Variants in RCVRN observed in about 807,000 individuals in gnomAD.
RCVRN encodes cancer associated retinopathy antigen.
RCVRN carries 23 observed loss-of-function variants against 20.4 expected under a neutral mutation model. The observed-to-expected ratio is 1.13, with a 90% confidence interval of 0.81 to 1.60. The LOEUF is 1.60. Among genes scored for constraint, RCVRN ranks in the 40% most tolerant of loss-of-function variants. The pLI, the probability that RCVRN is intolerant of heterozygous loss-of-function variation, is 0.00. For synonymous variants in RCVRN, 105 were observed against 105.9 expected, an observed-to-expected ratio of 0.99 and a Z score of 0.05; for missense variants, 254 against 254.2, an observed-to-expected ratio of 1.00 and a Z score of 0.00.
chr17:9,902,763 C>T (rs531551044), intron 1 of RCVRN, among the ~76,000 whole-genome samples: 77 of 152,144 alleles, frequency 5.1e-4, no homozygotes, highest in African/African-American at 1.8e-3. Flanking sequence ...TTTGGGAGGC[C>T]GAGGCGGGCA....
At chr17:9,902,796 G>A (rs1022632605) in intron 1 of RCVRN, among the ~76,000 whole-genome samples, 2 of 152,090 alleles carry the variant, frequency 1.3e-5, no homozygotes, top group East Asian at 3.9e-4. Context: ...TCAGGAGTTC[G>A]AGACCAGCCT....
chr17:9,904,661 C>T lies in RCVRN; in HGVS notation c.381+139G>A, dbSNP rs2067355283. The T allele has an allele frequency of 2.1e-6, 2 of 949,356 alleles. No homozygotes were observed. The highest frequency in any genetic ancestry group is 3.2e-6 in the Non-Finnish European group (2 of 631,794). 58.8% of individuals were successfully genotyped at this position (949,356 alleles called of 1,614,324 possible). A position where few individuals can be genotyped will look rare whatever the true frequency, so the allele number is the denominator to read the frequency against. On this transcript the variant is annotated intron_variant, in intron 1 of 2. Coordinates refer to ENST00000226193, the MANE Select transcript of RCVRN (RefSeq NM_002903.3). This position sits in a 1 kb window ranked among gnomAD's most constrained non-coding sequence, Gnocchi z 5.8. Reference sequence around the variant, plus strand: ...CTCTATCAATATCAGCATCTCGGAGCACCACGCTCTCAGAGCCAGTGGCCC... The same window carrying T: ...CTCTATCAATATCAGCATCTCGGAGTACCACGCTCTCAGAGCCAGTGGCCC...
Position 9,904,961 on chromosome 17 carries a change from C to T in RCVRN, c.220G>A (p.Asp74Asn). ...AYAQHVFRSF[D>N]SNLDGTLDFK... ...TCCAGGGTGCCGTCGAGGTTGGAATCGAAGCTGCGGAACACATGCTGGGCG... is the reference window on the plus strand; with the variant it reads ...TCCAGGGTGCCGTCGAGGTTGGAATTGAAGCTGCGGAACACATGCTGGGCG... The change falls in exon 1 of 3, where the codon GAT (aspartate) becomes AAT (asparagine). Residue 74 changes from aspartate (D) to asparagine (N), a missense_variant. Physicochemically the swap from Asp to Asn is conservative, Grantham distance 23. Coordinates refer to ENST00000226193, the MANE Select transcript of RCVRN (RefSeq NM_002903.3). This position sits in a 1 kb window ranked among gnomAD's most constrained non-coding sequence, Gnocchi z 5.8. 2.5e-6 allele frequency: 4 copies of T among 1,614,194 alleles called. No individual in the cohort carries two copies. Among genetic ancestry groups the T allele is most frequent in the Non-Finnish European group, 3.4e-6 (4 of 1,180,046 alleles).
Position 9,898,148 on chromosome 17 carries a change from G to A in RCVRN, c.550C>T (p.Arg184Ter), listed in dbSNP as rs1156642455. The change falls in exon 3 of 3, where the codon CGA (arginine) becomes TGA (stop). Residue 184 changes from arginine to a stop codon, truncating the protein, a stop_gained. Coordinates refer to ENST00000226193, the MANE Select transcript of RCVRN (RefSeq NM_002903.3). LOFTEE classifies it high-confidence loss of function. ...TTTTGAGGCTCAAACTGGATCAGTC[G>A]CAGAATTTCCTTATTGGCCAGTGTC... ...EGTLANKEIL[R>*]LIQFEPQKVK... The A allele has an allele frequency of 2.0e-5, 33 of 1,613,802 alleles. No individual in the cohort carries two copies. The highest frequency in any genetic ancestry group is 2.6e-5 in the Non-Finnish European group (31 of 1,179,856).
At position 9,899,744 on chromosome 17, in the gene RCVRN, A is replaced by G. The variant is rs62064490; in HGVS notation, c.493+1245T>C. ...GCTCACTTTCAGGTCCTGTGAGTGC[A>G]TTGTTGACCCCTGAGAACGAGCGCC... On this transcript the variant is annotated intron_variant, in intron 2 of 2. Transcript: ENST00000226193. This position sits in a 1 kb window ranked among gnomAD's most constrained non-coding sequence, Gnocchi z 4.6. Among the ~76,000 whole-genome samples the G allele has an allele frequency of 0.17, 25,881 of 152,126 alleles. 2,863 individuals are homozygous for G. Among genetic ancestry groups the G allele is most frequent in the Non-Finnish European group, 0.25 (17,121 of 67,960 alleles).
In RCVRN at chr17:9,898,844, C is replaced by A. The variant is rs985822190; in HGVS notation, c.494-640G>T. Among the ~76,000 whole-genome samples the A allele has an allele frequency of 2.6e-5, 4 of 152,200 alleles. No homozygotes were observed. In the East Asian group the frequency reaches 7.7e-4, roughly 29 times the overall value. ...CTTCCTATGCATCCATCCCTGCGTC[C>A]CCCAGTCTCATCTGCCTCCTTATTT... On this transcript the variant is annotated intron_variant, in intron 2 of 2. Transcript: ENST00000226193.
intron 2 of RCVRN, among the ~76,000 whole-genome samples, chr17:9,900,062 G>A (rs1464222066): frequency 6.6e-6 from 1 of 152,090 alleles, no homozygotes; most frequent in Non-Finnish European, 1.5e-5. Context: ...ATCAGATGAT[G>A]TCTCAACCAC....
At chr17:9,901,351 T>C (rs1369943529) in intron 1 of RCVRN, 2 of 385,166 alleles carry the variant, frequency 5.2e-6, no homozygotes, top group Admixed American at 4.3e-5. Context: ...ACAAGCAGGA[T>C]AGCATCACAC....
Position 9,904,690 on chromosome 17 carries a change from T to A in RCVRN, c.381+110A>T. Reference sequence around the variant, plus strand: ...ACGCTCTCAGAGCCAGTGGCCCGCATCCCCCGCTCCACCCACAGATCCACT... The same window carrying A: ...ACGCTCTCAGAGCCAGTGGCCCGCAACCCCCGCTCCACCCACAGATCCACT... On this transcript the variant is annotated intron_variant, in intron 1 of 2. Coordinates refer to ENST00000226193, the MANE Select transcript of RCVRN (RefSeq NM_002903.3). This position sits in a 1 kb window ranked among gnomAD's most constrained non-coding sequence, Gnocchi z 5.8. 1 of 1,276,176 alleles carries A rather than the reference T, an allele frequency of 7.8e-7. No homozygotes were observed. The highest frequency in any genetic ancestry group is 1.1e-6 in the Non-Finnish European group (1 of 912,148). 79.1% of individuals were successfully genotyped at this position (1,276,176 alleles called of 1,614,324 possible). A position where few individuals can be genotyped will look rare whatever the true frequency, so the allele number is the denominator to read the frequency against.
At chr17:9,902,911 C>T (rs953816818) in intron 1 of RCVRN, among the ~76,000 whole-genome samples, 4 of 152,136 alleles carry the variant, frequency 2.6e-5, no homozygotes, top group African/African-American at 7.2e-5. Context: ...ATTGCTCAAA[C>T]CCAGGAGGGG....
At position 9,897,567 on chromosome 17, in the gene RCVRN, C is replaced by T. The variant is rs2067322982; in HGVS notation, c.*528G>A. On this transcript the variant is annotated 3_prime_UTR_variant, in exon 3 of 3. Coordinates refer to ENST00000226193, the MANE Select transcript of RCVRN (RefSeq NM_002903.3). ...CATTGTCCCCTCTGGACCATGAGCTCCATGACAGCAGGACCGCATTAGACT... is the reference window on the plus strand; with the variant it reads ...CATTGTCCCCTCTGGACCATGAGCTTCATGACAGCAGGACCGCATTAGACT... The T allele has an allele frequency of 6.5e-6, 1 of 154,142 alleles. No homozygotes were observed. The highest frequency in any genetic ancestry group is 1.4e-5 in the Non-Finnish European group (1 of 69,376). 9.5% of individuals were successfully genotyped at this position (154,142 alleles called of 1,614,324 possible).
chr17:9,897,476 T>C lies in RCVRN; in HGVS notation c.*619A>G, dbSNP rs1411070191. 2 of 151,874 alleles carry C rather than the reference T, an allele frequency of 1.3e-5. No homozygotes were observed. Among genetic ancestry groups the C allele is most frequent in the African/African-American group, 4.8e-5 (2 of 41,376 alleles). The allele number at this position is 151,874 out of a possible 1,614,324, so 9.4% of individuals were successfully genotyped here. A position where few individuals can be genotyped will look rare whatever the true frequency, so the allele number is the denominator to read the frequency against. On this transcript the variant is annotated 3_prime_UTR_variant, in exon 3 of 3. Transcript: ENST00000226193. ...TGACAAGTCAGCCCCTTCCACTGTGTCCTCCCCTGGTGCTCTGCACGTTTC... is the reference window on the plus strand; with the variant it reads ...TGACAAGTCAGCCCCTTCCACTGTGCCCTCCCCTGGTGCTCTGCACGTTTC...
Position 9,897,614 on chromosome 17 carries a change from A to C in RCVRN, c.*481T>G, listed in dbSNP as rs927200845. 1 of 160,338 alleles carries C rather than the reference A, an allele frequency of 6.2e-6. No homozygotes were observed. Among genetic ancestry groups the C allele is most frequent in the African/African-American group, 2.4e-5 (1 of 41,586 alleles). The allele number at this position is 160,338 out of a possible 1,614,324, so 9.9% of individuals were successfully genotyped here. A position where few individuals can be genotyped will look rare whatever the true frequency, so the allele number is the denominator to read the frequency against. ...GACTCATTCCGCACCAAAGCAGCCC[A>C]GCCTAGGGCTGCCATCGCAACACAG... On this transcript the variant is annotated 3_prime_UTR_variant, in exon 3 of 3. Transcript: ENST00000226193.
In RCVRN at chr17:9,904,754, A is replaced by C; in HGVS notation, c.381+46T>G. On this transcript the variant is annotated intron_variant, in intron 1 of 2. Coordinates refer to ENST00000226193, the MANE Select transcript of RCVRN (RefSeq NM_002903.3). This position sits in a 1 kb window ranked among gnomAD's most constrained non-coding sequence, Gnocchi z 5.8. ...CTGCAGCAGGGGACCCCCAGCCCGG[A>C]GCGACCCCGGCACCGCCCAGCCAGA... The C allele has an allele frequency of 1.3e-6, 2 of 1,577,368 alleles. No individual in the cohort carries two copies. The highest frequency in any genetic ancestry group is 8.6e-7 in the Non-Finnish European group (1 of 1,159,204).
Position 9,898,187 on chromosome 17 carries a change from C to A in RCVRN, c.511G>T (p.Glu171Ter), listed in dbSNP as rs142436628. Residue 171 changes from glutamate (E) to a stop codon, truncating the protein, a stop_gained, in exon 3 of 3, where the codon GAA (glutamate) becomes TAA (stop). Coordinates refer to ENST00000226193, the MANE Select transcript of RCVRN (RefSeq NM_002903.3). LOFTEE classifies it high-confidence loss of function. The part of the protein sequence containing the change: ...KNDDDKLTEK[E>*]FIEGTLANKE... ...TTGGCCAGTGTCCCCTCAATGAATT[C>A]TTTCTCTGTAAGTTTATCTGTGCAT... 4.3e-6 allele frequency: 7 copies of A among 1,611,764 alleles called. No individual in the cohort carries two copies. Among genetic ancestry groups the A allele is most frequent in the African/African-American group, 4.0e-5 (3 of 74,864 alleles).
In RCVRN at chr17:9,899,562, C is replaced by T. The variant is rs895006020; in HGVS notation, c.494-1358G>A. ...CATGAACGGACCCAGAGGGAGGTCGCGAAGCCAGTTAAGGAGCCAGTGGGG... is the reference window on the plus strand; with the variant it reads ...CATGAACGGACCCAGAGGGAGGTCGTGAAGCCAGTTAAGGAGCCAGTGGGG... On this transcript the variant is annotated intron_variant, in intron 2 of 2. Transcript: ENST00000226193. The surrounding 1 kb of genome is among the most constrained non-coding windows in gnomAD (Gnocchi z 4.6). Among the ~76,000 whole-genome samples, 4 of 152,148 alleles carry T rather than the reference C, an allele frequency of 2.6e-5. No homozygotes were observed. Among genetic ancestry groups the T allele is most frequent in the Non-Finnish European group, 4.4e-5 (3 of 68,038 alleles).
rs2133984 is a variant in RCVRN, at chr17:9,904,097, T to C, written c.381+703A>G. 0.5 allele frequency among the ~76,000 whole-genome samples: 75,417 copies of C among 151,742 alleles called. 18,997 individuals are homozygous for C. Among genetic ancestry groups the C allele is most frequent in the East Asian group, 0.59 (3,016 of 5,152 alleles). ...CTCTACTAAAAATACAAAAATTAGC[T>C]AGGCATAGTGGTGCACACCTGTAAT... On this transcript the variant is annotated intron_variant, in intron 1 of 2. Transcript: ENST00000226193. The surrounding 1 kb of genome is among the most constrained non-coding windows in gnomAD (Gnocchi z 5.8).
chr17:9,896,429 C>G lies in RCVRN; in HGVS notation c.*1666G>C, dbSNP rs2067317584. On this transcript the variant is annotated 3_prime_UTR_variant, in exon 3 of 3. Transcript: ENST00000226193. ...CTAAAGTGGGGTCTGGAGGCATCAC[C>G]ACAATACCAGCAACTAGAGACTCCT... is the stretch of plus-strand genomic sequence containing the variant. The G allele has an allele frequency of 6.6e-6, 1 of 152,188 alleles. No homozygotes were observed. The highest frequency in any genetic ancestry group is 1.5e-5 in the Non-Finnish European group (1 of 68,052). The allele number at this position is 152,188 out of a possible 1,614,324, so 9.4% of individuals were successfully genotyped here.
rs770396342 is a variant in RCVRN at position 9,899,806 on chromosome 17, A to T, written c.493+1183T>A. 6.6e-6 allele frequency among the ~76,000 whole-genome samples: 1 copy of T among 152,158 alleles called. No homozygotes were observed. The highest frequency in any genetic ancestry group is 1.5e-5 in the Non-Finnish European group (1 of 68,008). On this transcript the variant is annotated intron_variant, in intron 2 of 2. Transcript: ENST00000226193. This position sits in a 1 kb window ranked among gnomAD's most constrained non-coding sequence, Gnocchi z 4.6. ...TGTGTCCTATGTTCCTCCTACCCCAATGACCTTCATGCTTCTCTTATTTCA... is the reference window on the plus strand; with the variant it reads ...TGTGTCCTATGTTCCTCCTACCCCATTGACCTTCATGCTTCTCTTATTTCA...
Sources: allele counts gnomAD v4.1 joint callset (sites outside exome capture counted in the v4.1 genomes callset), GRCh38; gene constraint gnomAD v4.1.1; non-coding constraint Gnocchi (gnomAD v3.1); transcripts MANE v1.5; gene names NCBI Gene and HGNC (gene_info 2026-07-23, HGNC 2026-07-21).